KCTD8: variants seen among roughly 807,000 people sequenced by gnomAD.
KCTD8 encodes the protein BTB/POZ domain-containing protein KCTD8.
In KCTD8, 27 loss-of-function variants were observed where a neutral mutation model predicts 31.5. That is an observed-to-expected ratio of 0.86 (90% CI 0.63 to 1.18). The LOEUF (loss-of-function observed/expected upper bound fraction) is 1.18, where lower values mean the gene tolerates loss of function less well. Ranked by LOEUF, KCTD8 falls within the 50% of genes most tolerant of loss-of-function variation. The pLI, the probability that KCTD8 is intolerant of heterozygous loss-of-function variation, is 0.00. For missense variants in KCTD8, 658 were observed against 647.7 expected (o/e 1.02, Z -0.17); for synonymous variants, 290 against 280.0 (o/e 1.04, Z -0.36).
intron 1 of KCTD8, among the ~76,000 whole-genome samples, chr4:44,331,923 C>T (rs1186368053): frequency 6.6e-6 from 1 of 151,040 alleles, no homozygotes; most frequent in Non-Finnish European, 1.5e-5. Flanking sequence ...CTACAATAAT[C>T]CACGTAAATA....
intron 1 of KCTD8, among the ~76,000 whole-genome samples, chr4:44,392,745 T>C (rs1313635524): frequency 6.6e-6 from 1 of 152,014 alleles, no homozygotes. Flanking sequence ...CTAGGTTGAA[T>C]AAGGAGAAGA....
At chr4:44,342,566 G>A (rs546070451) in intron 1 of KCTD8, among the ~76,000 whole-genome samples, 22 of 152,184 alleles carry the variant, frequency 1.4e-4, no homozygotes, top group African/African-American at 5.1e-4. Flanking sequence ...GCAAGTATTG[G>A]CTTTAAAGTC....
chr4:44,393,731 G>A (rs1002798867), intron 1 of KCTD8, among the ~76,000 whole-genome samples: 1 of 151,774 alleles, frequency 6.6e-6, no homozygotes, highest in South Asian at 2.1e-4. Context: ...TAAATGGTGA[G>A]GACTACGCTG....
chr4:44,267,352 C>T (rs1339136568), intron 1 of KCTD8, among the ~76,000 whole-genome samples: 8 of 152,062 alleles, frequency 5.3e-5, no homozygotes, highest in Non-Finnish European at 1.5e-5. Context: ...CCAATGAGAA[C>T]AAAGACACAA....
At chr4:44,291,391 A>T (rs1577596602) in intron 1 of KCTD8, among the ~76,000 whole-genome samples, 1 of 152,052 alleles carries the variant, frequency 6.6e-6, no homozygotes, top group Non-Finnish European at 1.5e-5. Flanking sequence ...TGGAGAAAGG[A>T]CTCCCCACTC....
chr4:44,302,118 T>C (rs1209889780), intron 1 of KCTD8, among the ~76,000 whole-genome samples: 2 of 152,174 alleles, frequency 1.3e-5, no homozygotes, highest in Non-Finnish European at 2.9e-5. Flanking sequence ...TTTGTTACTG[T>C]AGCCTTGTAG....
intron 1 of KCTD8, among the ~76,000 whole-genome samples, chr4:44,282,399 T>A (rs1390095873): frequency 3.3e-5 from 5 of 152,148 alleles, no homozygotes; most frequent in East Asian, 3.9e-4. Flanking sequence ...ATATTATGTG[T>A]GTTCTCCATC....
chr4:44,401,213 G>C (rs1206802125), intron 1 of KCTD8, among the ~76,000 whole-genome samples: 1 of 151,912 alleles, frequency 6.6e-6, no homozygotes, highest in Non-Finnish European at 1.5e-5. Context: ...AAATGCTGTA[G>C]GCATATGGGT....
intron 1 of KCTD8, among the ~76,000 whole-genome samples, chr4:44,213,925 C>T (rs1291349689): frequency 1.3e-5 from 2 of 152,144 alleles, no homozygotes; most frequent in Non-Finnish European, 2.9e-5. Context: ...AAATTTACAT[C>T]TATAAAGAAA....
At chr4:44,176,847 GTA>G (rs1215605343) in intron 1 of KCTD8, among the ~76,000 whole-genome samples, 1 of 102,870 alleles carries the variant, frequency 9.7e-6, no homozygotes, top group Non-Finnish European at 2.0e-5. Flanking sequence ...GAAACATAAA[GTA>G]TATATGTCTA....
chr4:44,292,722 A>T (rs550054880), intron 1 of KCTD8, among the ~76,000 whole-genome samples: 1 of 152,222 alleles, frequency 6.6e-6, no homozygotes, highest in Non-Finnish European at 1.5e-5. Flanking sequence ...TGAGGGAAAA[A>T]AGTCTAGGAA....
rs1242001845 is a variant in KCTD8 at position 44,447,671 on chromosome 4, C to T, written c.853G>A (p.Glu285Lys). The T allele has an allele frequency of 6.2e-7, 1 of 1,612,086 alleles. No individual in the cohort carries two copies. Among genetic ancestry groups the T allele is most frequent in the African/African-American group, 1.3e-5 (1 of 74,904 alleles). ...YLEQAFDRLSEAGFHMVACNS... is the reference protein window; with the variant it reads ...YLEQAFDRLSKAGFHMVACNS... Reference sequence around the variant, plus strand: ...CACGCCACCATGTGGAAGCCGGCCTCGGACAGGCGATCAAAGGCCTGCTCC... The same window carrying T: ...CACGCCACCATGTGGAAGCCGGCCTTGGACAGGCGATCAAAGGCCTGCTCC... The change falls in exon 1 of 2, where the codon GAG (glutamate) becomes AAG (lysine). Residue 285 changes from glutamate (E) to lysine (K), a missense_variant. Transcript: ENST00000360029.
intron 1 of KCTD8, among the ~76,000 whole-genome samples, chr4:44,177,866 T>C (rs74561058): frequency 0.056 from 8,581 of 152,206 alleles, 829 homozygotes; most frequent in African/African-American, 0.2. Context: ...TGTCCCATAT[T>C]AAATGTTATT....
chr4:44,378,878 A>G (rs1327912998), intron 1 of KCTD8, among the ~76,000 whole-genome samples: 1 of 152,140 alleles, frequency 6.6e-6, no homozygotes, highest in African/African-American at 2.4e-5. Flanking sequence ...GGCTAAAATC[A>G]AAGTGCTGAC....
intron 1 of KCTD8, among the ~76,000 whole-genome samples, chr4:44,358,836 G>A (rs1485943146): frequency 6.6e-6 from 1 of 152,040 alleles, no homozygotes; most frequent in Non-Finnish European, 1.5e-5. Context: ...CCCAATGTGT[G>A]TTTCCTGACT....
intron 1 of KCTD8, among the ~76,000 whole-genome samples, chr4:44,427,678 A>G (rs1721380998): frequency 6.6e-6 from 1 of 151,748 alleles, no homozygotes; most frequent in South Asian, 2.1e-4. Context: ...TAATAAAAAT[A>G]GTATATAATA....
At chr4:44,423,101 C>A (rs942083665) in intron 1 of KCTD8, among the ~76,000 whole-genome samples, 18 of 152,044 alleles carry the variant, frequency 1.2e-4, no homozygotes, top group African/African-American at 4.1e-4. Context: ...TTCATTGTCA[C>A]AACTAAGGAG....
intron 1 of KCTD8, among the ~76,000 whole-genome samples, chr4:44,188,938 T>A (rs1299099792): frequency 6.6e-6 from 1 of 152,142 alleles, no homozygotes; most frequent in African/African-American, 2.4e-5. Context: ...GTTTTGTAAG[T>A]CACCAAGCTT....
At chr4:44,304,655 A>C (rs1198378774) in intron 1 of KCTD8, among the ~76,000 whole-genome samples, 1 of 152,186 alleles carries the variant, frequency 6.6e-6, no homozygotes, top group Non-Finnish European at 1.5e-5. Context: ...GAAGTAATTA[A>C]ATTATAGGAT....
Sources: allele counts gnomAD v4.1 joint callset (sites outside exome capture counted in the v4.1 genomes callset), GRCh38; gene constraint gnomAD v4.1.1; transcripts MANE v1.5; gene names NCBI Gene and HGNC (gene_info 2026-07-23, HGNC 2026-07-21).